EYA4: variants seen among roughly 807,000 people sequenced by gnomAD.
EYA4 encodes the protein EYA transcriptional coactivator and phosphatase 4.
A neutral mutation model predicts 87.9 loss-of-function variants in EYA4; 31 were observed. The ratio of observed to expected loss-of-function variants is 0.35; its 90% confidence interval spans 0.27 to 0.48. EYA4 has a LOEUF of 0.48. Among genes scored for constraint, EYA4 ranks in the 20% least tolerant of loss-of-function variants. The pLI, the probability that EYA4 is intolerant of heterozygous loss-of-function variation, is 0.99. For missense variants in EYA4, 678 were observed against 761.4 expected, an observed-to-expected ratio of 0.89 and a Z score of 1.29; for synonymous variants, 263 against 270.6, an observed-to-expected ratio of 0.97 and a Z score of 0.28.
intron 2 of EYA4, among the ~76,000 whole-genome samples, chr6:133,306,789 C>T (rs1358063057): frequency 6.6e-6 from 1 of 151,946 alleles, no homozygotes; most frequent in African/African-American, 2.4e-5. Context: ...ATTTATAACT[C>T]ACATAAATTT....
intron 1 of EYA4, among the ~76,000 whole-genome samples, chr6:133,252,463 AGTT>A (rs897152210): frequency 5.3e-5 from 8 of 152,306 alleles, no homozygotes; most frequent in African/African-American, 1.7e-4. Flanking sequence ...CAAACTTTTA[AGTT>A]CTCATTCTAT....
intron 3 of EYA4, among the ~76,000 whole-genome samples, chr6:133,415,354 T>C (rs371630155): frequency 2.0e-5 from 3 of 152,296 alleles, no homozygotes; most frequent in East Asian, 3.9e-4. Flanking sequence ...GAACTTACAA[T>C]AGTCTGAAAG....
chr6:133,380,153 C>T (rs1339960476), intron 2 of EYA4, among the ~76,000 whole-genome samples: 1 of 152,092 alleles, frequency 6.6e-6, no homozygotes, highest in Non-Finnish European at 1.5e-5. Context: ...GTCATGGTAT[C>T]CTAAATATTA....
At chr6:133,300,008 C>T (rs1320527040) in intron 2 of EYA4, among the ~76,000 whole-genome samples, 1 of 151,090 alleles carries the variant, frequency 6.6e-6, no homozygotes, top group Non-Finnish European at 1.5e-5. Context: ...TAATAGCCTA[C>T]TGTTGACCAG....
chr6:133,435,387 C>G (rs1457568763), intron 3 of EYA4: 2 of 152,352 alleles, frequency 1.3e-5, no homozygotes, highest in Non-Finnish European at 2.9e-5. Context: ...TTTATGCATA[C>G]ACCACTTTCC....
chr6:133,390,736 T>A (rs1787188919), intron 3 of EYA4, among the ~76,000 whole-genome samples: 1 of 152,206 alleles, frequency 6.6e-6, no homozygotes, highest in South Asian at 2.1e-4. Flanking sequence ...ATGTGTGAAC[T>A]CTGTGGCCAC....
chr6:133,300,735 A>C (rs1779340551), intron 2 of EYA4, among the ~76,000 whole-genome samples: 1 of 152,096 alleles, frequency 6.6e-6, no homozygotes, highest in African/African-American at 2.4e-5. Context: ...GGCAAAATGT[A>C]TTATAACTTT....
chr6:133,380,402 A>G (rs1293269242), intron 2 of EYA4, among the ~76,000 whole-genome samples: 4 of 152,154 alleles, frequency 2.6e-5, no homozygotes, highest in Non-Finnish European at 5.9e-5. Context: ...CTTTCTAGTA[A>G]GTTCTTTGGG....
chr6:133,335,014 TG>T (rs1782258497), intron 2 of EYA4, among the ~76,000 whole-genome samples: 1 of 152,244 alleles, frequency 6.6e-6, no homozygotes, highest in Admixed American at 6.5e-5. Flanking sequence ...ATATAGCTTT[TG>T]CTATGGTACA....
intron 3 of EYA4, among the ~76,000 whole-genome samples, chr6:133,393,078 G>A (rs1787439503): frequency 6.6e-6 from 1 of 152,158 alleles, no homozygotes; most frequent in African/African-American, 2.4e-5. Flanking sequence ...AACCATCTCT[G>A]AGTATTCTCC....
intron 14 of EYA4, among the ~76,000 whole-genome samples, chr6:133,506,587 T>G (rs1798647958): frequency 6.6e-6 from 1 of 152,236 alleles, no homozygotes; most frequent in African/African-American, 2.4e-5. Context: ...ATTAATTTTG[T>G]GGATAATCTG....
chr6:133,517,948 G>A (rs1799743578), intron 17 of EYA4, among the ~76,000 whole-genome samples: 3 of 152,112 alleles, frequency 2.0e-5, no homozygotes, highest in Admixed American at 2.0e-4. Flanking sequence ...GAAAGAACTG[G>A]GACCAATGAG....
At chr6:133,464,456 G>A (rs896288666) in intron 9 of EYA4, among the ~76,000 whole-genome samples, 1 of 152,134 alleles carries the variant, frequency 6.6e-6, no homozygotes, top group Non-Finnish European at 1.5e-5. Flanking sequence ...GTTTCCTGGA[G>A]GTAGTCTTAG....
intron 2 of EYA4, among the ~76,000 whole-genome samples, chr6:133,275,765 A>G (rs1777113429): frequency 3.3e-5 from 5 of 152,178 alleles, no homozygotes; most frequent in Admixed American, 3.3e-4. Context: ...ATTTTATTTA[A>G]AAGAAATGAT....
chr6:133,346,685 A>G (rs1418379354), intron 2 of EYA4, among the ~76,000 whole-genome samples: 6 of 152,128 alleles, frequency 3.9e-5, no homozygotes, highest in African/African-American at 7.2e-5. Flanking sequence ...TATCACTTTC[A>G]TCTGGCAGGT....
rs548409455 is a variant in EYA4 at position 133,360,907 on chromosome 6, G to A, written c.34-21485G>A. On this transcript the variant is annotated intron_variant, in intron 2 of 19. Coordinates refer to ENST00000355286, the MANE Select transcript of EYA4 (RefSeq NM_004100.5). ...TGGAATAGAGAGAACATCATTTCTTGTATGCTTTGAGAGTTAGAATTGTGT... is the reference window on the plus strand; with the variant it reads ...TGGAATAGAGAGAACATCATTTCTTATATGCTTTGAGAGTTAGAATTGTGT... Among the ~76,000 whole-genome samples the A allele has an allele frequency of 1.2e-4, 19 of 152,310 alleles. No homozygotes were observed. The South Asian group carries it at 3.7e-3, about 30-fold the overall frequency.
At chr6:133,345,633 A>G (rs985167744) in intron 2 of EYA4, among the ~76,000 whole-genome samples, 2 of 152,216 alleles carry the variant, frequency 1.3e-5, no homozygotes, top group African/African-American at 2.4e-5. Flanking sequence ...AAGTGACAGA[A>G]TGCACCTTTA....
chr6:133,420,524 C>A (rs1790128467), intron 3 of EYA4, among the ~76,000 whole-genome samples: 1 of 152,196 alleles, frequency 6.6e-6, no homozygotes, highest in African/African-American at 2.4e-5. Flanking sequence ...AAAGTAGAGA[C>A]AGGACTAGAG....
chr6:133,478,285 A>G (rs1219766554), intron 11 of EYA4, among the ~76,000 whole-genome samples: 2 of 152,154 alleles, frequency 1.3e-5, no homozygotes, highest in Non-Finnish European at 2.9e-5. Flanking sequence ...CCTCTGACCC[A>G]GGAATCACAT....
Sources: allele counts gnomAD v4.1 joint callset (sites outside exome capture counted in the v4.1 genomes callset), GRCh38; gene constraint gnomAD v4.1.1; transcripts MANE v1.5; gene names NCBI Gene and HGNC (gene_info 2026-07-23, HGNC 2026-07-21).